The following FBXO36 variants were observed in gnomAD, a reference collection of about 807,000 sequenced individuals.
FBXO36 encodes F-box only protein 36.
FBXO36 carries 18 observed loss-of-function variants against 17.0 expected under a neutral mutation model. The ratio of observed to expected loss-of-function variants is 1.06; its 90% CI spans 0.73 to 1.57. The LOEUF (loss-of-function observed/expected upper bound fraction) is 1.57, where lower values mean the gene tolerates loss of function less well. Among genes scored for constraint, FBXO36 ranks in the 40% most tolerant of loss-of-function variants. FBXO36 has a pLI of 0.00. For synonymous variants in FBXO36, 83 were observed against 85.3 expected (o/e 0.97, Z 0.15); for missense variants, 229 against 221.9 (o/e 1.03, Z -0.20).
intron 1 of FBXO36, among the ~76,000 whole-genome samples, chr2:229,957,181 A>C (rs1024216071): frequency 6.6e-6 from 1 of 152,232 alleles, no homozygotes; most frequent in African/African-American, 2.4e-5. Context: ...AGGCACTGAA[A>C]AGGGCATAGA....
intron 1 of FBXO36, among the ~76,000 whole-genome samples, chr2:229,928,889 G>A (rs1220519680): frequency 1.3e-5 from 2 of 152,176 alleles, no homozygotes; most frequent in Middle Eastern, 6.8e-3. Flanking sequence ...GTGTCCCAAA[G>A]TGCTGGGATT....
At chr2:229,923,467 C>T (rs1364291162) in intron 1 of FBXO36, among the ~76,000 whole-genome samples, 1 of 152,100 alleles carries the variant, frequency 6.6e-6, no homozygotes, top group Non-Finnish European at 1.5e-5. Flanking sequence ...AGATACTATT[C>T]CTATAAAATG....
chr2:229,939,257 G>A, intron 1 of FBXO36: 1 of 985,178 alleles, frequency 1.0e-6, no homozygotes, highest in East Asian at 1.1e-4. Flanking sequence ...AATGTTTCAA[G>A]GATTATATGA....
At chr2:229,947,380 G>C (rs1162843334) in intron 1 of FBXO36, among the ~76,000 whole-genome samples, 1 of 152,170 alleles carries the variant, frequency 6.6e-6, no homozygotes, top group Non-Finnish European at 1.5e-5. Context: ...CTATAGTTGG[G>C]AAGTACAGTG....
intron 1 of FBXO36, among the ~76,000 whole-genome samples, chr2:229,963,895 G>A (rs2077137776): frequency 6.6e-6 from 1 of 152,130 alleles, no homozygotes; most frequent in South Asian, 2.1e-4. Flanking sequence ...GTGAGTTCCT[G>A]TTTCCCCAGA....
intron 1 of FBXO36, chr2:229,938,995 A>C (rs1003322833): frequency 6.8e-6 from 1 of 146,130 alleles, no homozygotes; most frequent in African/African-American, 2.5e-5. Context: ...CACCGCGCCC[A>C]GCCGGATGGG....
At chr2:230,006,202 TCTC>T (rs1475537374) in intron 3 of FBXO36, among the ~76,000 whole-genome samples, 1 of 151,398 alleles carries the variant, frequency 6.6e-6, no homozygotes, top group African/African-American at 2.4e-5. Context: ...TTCAAGCAAT[TCTC>T]CTGCCTCAGC....
intron 1 of FBXO36, among the ~76,000 whole-genome samples, chr2:229,975,544 C>T (rs1395760495): frequency 3.3e-5 from 5 of 151,186 alleles, no homozygotes; most frequent in African/African-American, 1.2e-4. Context: ...TCTCAGCTCA[C>T]TGCAGCCGCA....
chr2:230,001,605 T>G (rs1255122656), intron 3 of FBXO36, among the ~76,000 whole-genome samples: 1 of 152,004 alleles, frequency 6.6e-6, no homozygotes, highest in East Asian at 1.9e-4. Context: ...TTATTTTCAT[T>G]TAACTACTTT....
At chr2:229,956,706 T>C (rs1476925494) in intron 1 of FBXO36, among the ~76,000 whole-genome samples, 1 of 152,172 alleles carries the variant, frequency 6.6e-6, no homozygotes, top group Non-Finnish European at 1.5e-5. Context: ...CTGAAGGATC[T>C]CAAGGCAGAT....
chr2:229,944,803 C>G (rs542952992), intron 1 of FBXO36, among the ~76,000 whole-genome samples: 1 of 152,036 alleles, frequency 6.6e-6, no homozygotes, highest in African/African-American at 2.4e-5. Context: ...CCATGTTAGC[C>G]AGGATGGTCT....
chr2:230,011,804 A>T lies in FBXO36; in HGVS notation c.*920A>T, dbSNP rs2077417638. On this transcript the variant is annotated 3_prime_UTR_variant, in exon 4 of 4. Coordinates refer to ENST00000283946, the MANE Select transcript of FBXO36 (RefSeq NM_174899.5). Reference sequence around the variant, plus strand: ...GTTCCCCAAAGGAATGTGAACAGCTACCACTTTTAACAAGGATATTTAAGA... The same window carrying T: ...GTTCCCCAAAGGAATGTGAACAGCTTCCACTTTTAACAAGGATATTTAAGA... The T allele has an allele frequency of 6.6e-6, 1 of 152,050 alleles. No individual in the cohort carries two copies. Among genetic ancestry groups the T allele is most frequent in the African/African-American group, 2.4e-5 (1 of 41,414 alleles). The allele number at this position is 152,050 out of a possible 1,614,324, so 9.4% of individuals were successfully genotyped here.
At chr2:229,981,701 CAAAAA>C (rs11326626) in intron 2 of FBXO36, among the ~76,000 whole-genome samples, 3 of 103,194 alleles carry the variant, frequency 2.9e-5, no homozygotes, top group East Asian at 2.7e-4. Flanking sequence ...GACCCTGTCT[CAAAAA>C]AAAAAAAAAA....
At chr2:229,994,078 T>C (rs536855932) in intron 2 of FBXO36, among the ~76,000 whole-genome samples, 24 of 152,284 alleles carry the variant, frequency 1.6e-4, no homozygotes, top group African/African-American at 5.1e-4. Flanking sequence ...GGCCAACTTT[T>C]ACACTTTAAA....
In FBXO36 at chr2:229,993,365, C is replaced by T. The variant is rs183019792; in HGVS notation, c.206-3386C>T. ...TCAAAAGAACTTGTCAGGACATGGC[C>T]GTTGGCTTCTCGCAGAGTGAGTGAT... On this transcript the variant is annotated intron_variant, in intron 2 of 3. Coordinates refer to ENST00000283946, the MANE Select transcript of FBXO36 (RefSeq NM_174899.5). 5.3e-3 allele frequency among the ~76,000 whole-genome samples: 811 copies of T among 152,268 alleles called. 4 individuals are homozygous for T. Among genetic ancestry groups the T allele is most frequent in the Middle Eastern group, 0.014 (4 of 294 alleles).
intron 1 of FBXO36, among the ~76,000 whole-genome samples, chr2:229,951,739 T>A (rs2077058963): frequency 2.0e-5 from 3 of 152,232 alleles, no homozygotes; most frequent in Admixed American, 2.0e-4. Flanking sequence ...TGGGGCCTAG[T>A]GCAGGAGCAC....
intron 1 of FBXO36, among the ~76,000 whole-genome samples, chr2:229,948,503 C>T (rs1263347501): frequency 2.3e-5 from 3 of 130,924 alleles, no homozygotes; most frequent in Non-Finnish European, 4.7e-5. Flanking sequence ...TTTAGCCGAA[C>T]ACTTGGGCTT....
At chr2:229,959,384 C>T (rs1360133757) in intron 1 of FBXO36, among the ~76,000 whole-genome samples, 1 of 152,100 alleles carries the variant, frequency 6.6e-6, no homozygotes, top group Non-Finnish European at 1.5e-5. Context: ...TATCCTCCTT[C>T]CCTTGTGCAA....
intron 1 of FBXO36, among the ~76,000 whole-genome samples, chr2:229,931,289 C>T (rs2076937292): frequency 6.6e-6 from 1 of 152,170 alleles, no homozygotes; most frequent in Non-Finnish European, 1.5e-5. Flanking sequence ...AAATTGTTCA[C>T]TTGGTACCTG....
Sources: allele counts gnomAD v4.1 joint callset (sites outside exome capture counted in the v4.1 genomes callset), GRCh38; gene constraint gnomAD v4.1.1; transcripts MANE v1.5; gene names NCBI Gene and HGNC (gene_info 2026-07-23, HGNC 2026-07-21).